The following MEIS2 variants were observed in gnomAD, a reference collection of about 807,000 sequenced individuals.
MEIS2 encodes the protein Meis homeobox 2, also known as homeobox protein Meis2.
A neutral mutation model predicts 58.6 loss-of-function variants in MEIS2; 9 were observed. That is an observed-to-expected ratio of 0.15 (90% CI 0.09 to 0.27). The LOEUF (loss-of-function observed/expected upper bound fraction) is 0.27. Ranked by LOEUF, MEIS2 falls within the 10% of genes least tolerant of loss-of-function variation. The probability of loss-of-function intolerance (pLI) is 1.00; values close to 1 mark genes in which losing one functional copy is unlikely to be tolerated. For synonymous variants in MEIS2, 221 were observed against 228.4 expected (o/e 0.97, Z 0.29); for missense variants, 427 against 635.0 (o/e 0.67, Z 3.52).
At chr15:36,983,009 C>A (rs2059979024) in intron 8 of MEIS2, among the ~76,000 whole-genome samples, 1 of 152,034 alleles carries the variant, frequency 6.6e-6, no homozygotes, top group Non-Finnish European at 1.5e-5. Context: ...TGTTTTCTTG[C>A]TATTGAGTTG....
chr15:36,947,262 C>T (rs570793254), intron 9 of MEIS2, among the ~76,000 whole-genome samples: 1 of 152,102 alleles, frequency 6.6e-6, no homozygotes, highest in South Asian at 2.1e-4. Flanking sequence ...TGCATCATCA[C>T]TTTCTGCATA....
chr15:37,079,284 G>A (rs751207977), intron 7 of MEIS2, among the ~76,000 whole-genome samples: 1 of 152,144 alleles, frequency 6.6e-6, no homozygotes, highest in Non-Finnish European at 1.5e-5. Context: ...TATCATAACA[G>A]TAAGTGACCA....
intron 8 of MEIS2, among the ~76,000 whole-genome samples, chr15:37,010,277 C>T (rs564387418): frequency 5.3e-5 from 8 of 151,984 alleles, no homozygotes; most frequent in Admixed American, 1.3e-4. Flanking sequence ...TTAGTAGAGA[C>T]GGGGTTTCAC....
chr15:36,995,900 T>C (rs1740467344), intron 8 of MEIS2, among the ~76,000 whole-genome samples: 1 of 145,066 alleles, frequency 6.9e-6, no homozygotes, highest in African/African-American at 2.5e-5. Flanking sequence ...TCATTATCCA[T>C]TCTGAAGTTA....
Position 36,952,621 on chromosome 15 carries a change from G to C in MEIS2, c.901-2221C>G, listed in dbSNP as rs879509687. Among the ~76,000 whole-genome samples, 259 of 151,108 alleles carry C rather than the reference G, an allele frequency of 1.7e-3. 5 individuals are homozygous for C. The East Asian group carries it at 0.032, about 19-fold the overall frequency. Reference sequence around the variant, plus strand: ...TGTCTCTCTCTCTGTGTGTGTGTGTGTGTGTGTGTGTGTGTGTGTGTGTGT... The same window carrying C: ...TGTCTCTCTCTCTGTGTGTGTGTGTCTGTGTGTGTGTGTGTGTGTGTGTGT... On this transcript the variant is annotated intron_variant, in intron 8 of 11. Coordinates refer to ENST00000561208, the MANE Select transcript of MEIS2 (RefSeq NM_170675.5).
At chr15:37,045,969 C>G (rs571701733) in intron 7 of MEIS2, among the ~76,000 whole-genome samples, 3 of 152,304 alleles carry the variant, frequency 2.0e-5, no homozygotes, top group East Asian at 3.9e-4. Context: ...ACACCCTCCC[C>G]CCGGGGTATG....
At chr15:37,005,752 CGTT>C (rs2141612832) in intron 8 of MEIS2, among the ~76,000 whole-genome samples, 1 of 151,924 alleles carries the variant, frequency 6.6e-6, no homozygotes, top group East Asian at 1.9e-4. Context: ...AGAGAGGAGG[CGTT>C]GTCATGTTGC....
At chr15:36,926,293 T>C (rs1196600409) in intron 9 of MEIS2, among the ~76,000 whole-genome samples, 1 of 152,118 alleles carries the variant, frequency 6.6e-6, no homozygotes, top group Non-Finnish European at 1.5e-5. Flanking sequence ...TGGAACCTAT[T>C]TTGGGAGAGC....
At chr15:36,965,497 A>G (rs750754837) in intron 8 of MEIS2, among the ~76,000 whole-genome samples, 9 of 152,252 alleles carry the variant, frequency 5.9e-5, no homozygotes, top group Non-Finnish European at 1.3e-4. Flanking sequence ...ATATCTGCTC[A>G]TGGACAACAC....
Position 36,985,273 on chromosome 15 carries a change from G to A in MEIS2, c.901-34873C>T, listed in dbSNP as rs138116482. On this transcript the variant is annotated intron_variant, in intron 8 of 11. Transcript: ENST00000561208. ...TTATTCAAATGTCTTCTTCCATCACGTTCTGATTTTCTACAGGATCAGTTC... is the reference window on the plus strand; with the variant it reads ...TTATTCAAATGTCTTCTTCCATCACATTCTGATTTTCTACAGGATCAGTTC... Among the ~76,000 whole-genome samples the A allele has an allele frequency of 3.2e-3, 484 of 152,088 alleles. 1 individual carries two copies. The highest frequency in any genetic ancestry group is 0.011 in the African/African-American group (465 of 41,488).
At chr15:37,078,273 C>T (rs1007781913) in intron 7 of MEIS2, among the ~76,000 whole-genome samples, 10 of 151,690 alleles carry the variant, frequency 6.6e-5, no homozygotes, top group African/African-American at 1.5e-4. Context: ...TAACACTGGC[C>T]GTGAGTGGGA....
intron 6 of MEIS2, 142 bp downstream of exon 6, chr15:37,093,439 G>T: frequency 9.3e-7 from 1 of 1,072,282 alleles, no homozygotes; most frequent in Non-Finnish European, 1.3e-6. Context: ...GGCAGAGAAA[G>T]CAAGAAAGAG....
chr15:36,947,386 ATTTC>A (rs1446013193), intron 9 of MEIS2, among the ~76,000 whole-genome samples: 1 of 151,782 alleles, frequency 6.6e-6, no homozygotes, highest in Non-Finnish European at 1.5e-5. Context: ...CTTTTTGCTT[ATTTC>A]TTCTAAAGTT....
rs144120333 is a variant in MEIS2 at position 37,005,086 on chromosome 15, T to C, written c.900+31728A>G. ...AAAAAATTCCAATTCATAAAAACCA[T>C]GTTGAAACATCTACTATCAAAAGCT... On this transcript the variant is annotated intron_variant, in intron 8 of 11. Transcript: ENST00000561208. Among the ~76,000 whole-genome samples the C allele has an allele frequency of 2.6e-3, 389 of 152,332 alleles. 2 individuals carry two copies. The highest frequency in any genetic ancestry group is 8.7e-3 in the African/African-American group (361 of 41,572).
chr15:37,083,622 G>A (rs1357391499), intron 7 of MEIS2, 149 bp downstream of exon 7: 2 of 548,544 alleles, frequency 3.6e-6, no homozygotes, highest in African/African-American at 3.9e-5. Context: ...GTTAAGAAGA[G>A]GAAATACTGT....
At chr15:37,014,534 G>A (rs1325086929) in intron 8 of MEIS2, among the ~76,000 whole-genome samples, 1 of 152,322 alleles carries the variant, frequency 6.6e-6, no homozygotes, top group East Asian at 1.9e-4. Flanking sequence ...TTGTTTTGGT[G>A]TCTGACACAA....
intron 8 of MEIS2, among the ~76,000 whole-genome samples, chr15:36,954,236 G>C (rs2058869551): frequency 6.6e-6 from 1 of 151,306 alleles, no homozygotes; most frequent in Non-Finnish European, 1.5e-5. Flanking sequence ...GCAAGTTGTA[G>C]AACAATATGT....
intron 8 of MEIS2, among the ~76,000 whole-genome samples, chr15:36,966,533 C>T (rs1302296892): frequency 2.0e-5 from 3 of 152,022 alleles, no homozygotes; most frequent in East Asian, 1.9e-4. Context: ...CTGAATCACC[C>T]CAGGACTTGA....
chr15:36,989,016 C>T (rs2060184594), intron 8 of MEIS2, among the ~76,000 whole-genome samples: 1 of 152,192 alleles, frequency 6.6e-6, no homozygotes, highest in Non-Finnish European at 1.5e-5. Context: ...CCAGTGATTA[C>T]AAAGACAGCC....
Sources: allele counts gnomAD v4.1 joint callset (sites outside exome capture counted in the v4.1 genomes callset), GRCh38; gene constraint gnomAD v4.1.1; transcripts MANE v1.5; gene names NCBI Gene and HGNC (gene_info 2026-07-23, HGNC 2026-07-21).